ZNF654: variants seen among roughly 807,000 people sequenced by gnomAD.
ZNF654 encodes zinc finger protein 654.
ZNF654 carries 19 observed loss-of-function variants against 95.3 expected under a neutral mutation model. That is an observed-to-expected ratio of 0.20 (90% CI 0.14 to 0.29). ZNF654 has a LOEUF of 0.29. Ranked by LOEUF, ZNF654 falls within the 10% of genes least tolerant of loss-of-function variation. The pLI is 1.00. For missense variants in ZNF654, 1,046 were observed against 1,341.0 expected (o/e 0.78, Z 3.44); for synonymous variants, 413 against 457.9 (o/e 0.90, Z 1.25).
At chr3:88,100,255 A>C (rs1704328568) in intron 2 of ZNF654, among the ~76,000 whole-genome samples, 1 of 152,204 alleles carries the variant, frequency 6.6e-6, no homozygotes, top group Admixed American at 6.5e-5. Context: ...GAGAAATGCA[A>C]ATCAAAACCA....
rs948004769 is a variant in ZNF654, at chr3:88,143,598, T to C, written c.*1946T>C. 6.6e-6 allele frequency: 1 copy of C among 152,324 alleles called. No individual in the cohort carries two copies. Among genetic ancestry groups the C allele is most frequent in the African/African-American group, 2.4e-5 (1 of 41,436 alleles). The allele number at this position is 152,324 out of a possible 1,614,324, so 9.4% of individuals were successfully genotyped here. ...ATTTTATCACATTTTCCACAAGTTG[T>C]AACAATTGATATAAATCCATGCCCA... On this transcript the variant is annotated 3_prime_UTR_variant, in exon 9 of 9. Coordinates refer to ENST00000636215, the MANE Select transcript of ZNF654 (RefSeq NM_001350134.2).
At chr3:88,138,108 T>C (rs1706909123) in intron 7 of ZNF654, among the ~76,000 whole-genome samples, 1 of 152,220 alleles carries the variant, frequency 6.6e-6, no homozygotes, top group Non-Finnish European at 1.5e-5. Context: ...GGGCTCATTA[T>C]TCTGAGGCTT....
chr3:88,095,606 C>A (rs1371151219), intron 2 of ZNF654: 1 of 520,146 alleles, frequency 1.9e-6, no homozygotes, highest in East Asian at 5.6e-5. Flanking sequence ...CCCCAATGAT[C>A]TTTTCTGGTT....
intron 2 of ZNF654, among the ~76,000 whole-genome samples, chr3:88,107,094 C>A (rs1704789642): frequency 6.6e-6 from 1 of 152,088 alleles, no homozygotes; most frequent in South Asian, 2.1e-4. Context: ...AATTGTCTAC[C>A]CCCAGAAAAA....
intron 2 of ZNF654, among the ~76,000 whole-genome samples, chr3:88,109,624 A>C (rs533394578): frequency 1.3e-5 from 2 of 152,286 alleles, no homozygotes; most frequent in Admixed American, 1.3e-4. Context: ...CAGAAGTCTA[A>C]GAGTTTGTTT....
At chr3:88,099,972 A>T (rs1391091029) in intron 2 of ZNF654, among the ~76,000 whole-genome samples, 1 of 152,238 alleles carries the variant, frequency 6.6e-6, no homozygotes, top group Non-Finnish European at 1.5e-5. Flanking sequence ...AAATTGACAA[A>T]TAGGATCTAA....
intron 1 of ZNF654, among the ~76,000 whole-genome samples, chr3:88,079,820 T>C (rs1273475921): frequency 2.0e-5 from 3 of 151,942 alleles, no homozygotes; most frequent in Non-Finnish European, 4.4e-5. Context: ...TTTTAAGGAG[T>C]AGTGAGTTGA....
intron 2 of ZNF654, among the ~76,000 whole-genome samples, chr3:88,089,094 A>G (rs1226765216): frequency 6.6e-6 from 1 of 151,876 alleles, no homozygotes. Context: ...GTATTAAAAA[A>G]ATTATATTTA....
Position 88,144,557 on chromosome 3 carries a change from T to G in ZNF654, c.*2905T>G, listed in dbSNP as rs1289345039. 2 of 152,428 alleles carry G rather than the reference T, an allele frequency of 1.3e-5. No individual in the cohort carries two copies. The highest frequency in any genetic ancestry group is 4.8e-5 in the African/African-American group (2 of 41,420). 9.4% of individuals were successfully genotyped at this position (152,428 alleles called of 1,614,324 possible). Reference sequence around the variant, plus strand: ...CTTTGCATTTTATAAGAGTACAAATTAAAACTGAGCCATTGAACTGCAATA... The same window carrying G: ...CTTTGCATTTTATAAGAGTACAAATGAAAACTGAGCCATTGAACTGCAATA... On this transcript the variant is annotated 3_prime_UTR_variant, in exon 9 of 9. Transcript: ENST00000636215.
intron 1 of ZNF654, among the ~76,000 whole-genome samples, chr3:88,075,090 C>G (rs1436034512): frequency 6.6e-6 from 1 of 152,160 alleles, no homozygotes; most frequent in African/African-American, 2.4e-5. Context: ...CCAGGTACCT[C>G]ATCTTAATTG....
chr3:88,072,275 G>C (rs13097271), intron 1 of ZNF654, among the ~76,000 whole-genome samples: 1 of 152,132 alleles, frequency 6.6e-6, no homozygotes, highest in Non-Finnish European at 1.5e-5. Context: ...TTATTTCCCT[G>C]TTGCCACCTT....
intron 3 of ZNF654, among the ~76,000 whole-genome samples, chr3:88,118,571 A>T (rs1705556527): frequency 6.6e-6 from 1 of 152,066 alleles, no homozygotes; most frequent in African/African-American, 2.4e-5. Flanking sequence ...AAACCTCAAA[A>T]CCTGGACCAT....
intron 4 of ZNF654, 150 bp downstream of exon 4, chr3:88,126,419 C>A: frequency 1.1e-6 from 1 of 927,404 alleles, no homozygotes; most frequent in Non-Finnish European, 1.4e-6. Flanking sequence ...GTTTGTTTTT[C>A]TAAACTGGCC....
At chr3:88,080,038 TC>T (rs1708001934) in intron 1 of ZNF654, among the ~76,000 whole-genome samples, 1 of 152,060 alleles carries the variant, frequency 6.6e-6, no homozygotes, top group Non-Finnish European at 1.5e-5. Flanking sequence ...TCTTTTTTTT[TC>T]CAAACAATTT....
At position 88,143,273 on chromosome 3, in the gene ZNF654, A is replaced by G. The variant is rs6551275; in HGVS notation, c.*1621A>G. ...TATTGGTTTATCATCAGCATTCACT[A>G]CTATGCAATGATGGTCATAAGTCCA... On this transcript the variant is annotated 3_prime_UTR_variant, in exon 9 of 9. Coordinates refer to ENST00000636215, the MANE Select transcript of ZNF654 (RefSeq NM_001350134.2). 0.75 allele frequency: 113,871 copies of G among 151,950 alleles called. 44,642 individuals are homozygous for G. Among genetic ancestry groups the G allele is most frequent in the South Asian group, 0.91 (4,378 of 4,820 alleles). 9.4% of individuals were successfully genotyped at this position (151,950 alleles called of 1,614,324 possible).
rs78345907 is a variant in ZNF654 at position 88,076,132 on chromosome 3, C to G, written c.187-10125C>G. On this transcript the variant is annotated intron_variant, in intron 1 of 8. Transcript: ENST00000636215. Reference sequence around the variant, plus strand: ...GTAATCTCCCTGCTTTTTAATTTATCAAATCTGTACAGATTTTATATTACT... The same window carrying G: ...GTAATCTCCCTGCTTTTTAATTTATGAAATCTGTACAGATTTTATATTACT... Among the ~76,000 whole-genome samples the G allele has an allele frequency of 8.9e-4, 136 of 152,238 alleles. 2 individuals are homozygous for G. The East Asian group carries it at 0.025, about 28-fold the overall frequency.
At chr3:88,084,858 T>A (rs568407226) in intron 1 of ZNF654, among the ~76,000 whole-genome samples, 90 of 152,278 alleles carry the variant, frequency 5.9e-4, no homozygotes, top group African/African-American at 2.1e-3. Context: ...ATGCTACACT[T>A]AGTAGGTTTT....
chr3:88,143,677 T>C lies in ZNF654; in HGVS notation c.*2025T>C, dbSNP rs1707230586. The C allele has an allele frequency of 6.6e-6, 1 of 152,356 alleles. No homozygotes were observed. The highest frequency in any genetic ancestry group is 2.4e-5 in the African/African-American group (1 of 41,442). The allele number at this position is 152,356 out of a possible 1,614,324, so 9.4% of individuals were successfully genotyped here. ...TGTTCATGCCAAGATGTTTCAAATATATTCCATTTGTAATCTGTCTTTAAC... is the reference window on the plus strand; with the variant it reads ...TGTTCATGCCAAGATGTTTCAAATACATTCCATTTGTAATCTGTCTTTAAC... On this transcript the variant is annotated 3_prime_UTR_variant, in exon 9 of 9. Coordinates refer to ENST00000636215, the MANE Select transcript of ZNF654 (RefSeq NM_001350134.2).
rs1160780326 is a variant in ZNF654 at position 88,143,235 on chromosome 3, A to G, written c.*1583A>G. 6.6e-6 allele frequency: 1 copy of G among 151,876 alleles called. No individual in the cohort carries two copies. The highest frequency in any genetic ancestry group is 2.1e-4 in the South Asian group (1 of 4,820). 9.4% of individuals were successfully genotyped at this position (151,876 alleles called of 1,614,324 possible). On this transcript the variant is annotated 3_prime_UTR_variant, in exon 9 of 9. Transcript: ENST00000636215. ...ATGATAGATCAGATGATTTTTTTTTAATTTCCCGGTTTTATTGGTTTATCA... is the reference window on the plus strand; with the variant it reads ...ATGATAGATCAGATGATTTTTTTTTGATTTCCCGGTTTTATTGGTTTATCA...
Sources: gnomAD v4.1 joint callset for allele counts (sites outside exome capture counted in the v4.1 genomes callset) on GRCh38, gnomAD v4.1.1 for gene constraint, MANE v1.5 for transcripts, NCBI Gene and HGNC (gene_info 2026-07-23, HGNC 2026-07-21) for gene names.